Variants in DZIP1 observed in about 807,000 individuals in gnomAD.
DZIP1 encodes cilium assembly protein DZIP1.
A neutral mutation model predicts 107.6 loss-of-function variants in DZIP1; 97 were observed. That is an observed-to-expected ratio of 0.90 (90% CI 0.77 to 1.07). The LOEUF (loss-of-function observed/expected upper bound fraction) is 1.07. DZIP1 is among the 50% of genes least tolerant of loss of function. DZIP1 has a pLI of 0.00. For missense variants in DZIP1, 1,035 were observed against 1,063.6 expected (o/e 0.97, Z 0.37); for synonymous variants, 390 against 386.4 (o/e 1.01, Z -0.11).
chr13:95,619,420 C>G (rs917160853), intron 10 of DZIP1, among the ~76,000 whole-genome samples: 4 of 152,186 alleles, frequency 2.6e-5, no homozygotes, highest in African/African-American at 9.7e-5. Flanking sequence ...ACCTGCCAAC[C>G]TACTCTTAAT....
chr13:95,606,107 A>C (rs567965923), intron 13 of DZIP1, 48 bp from the exon 14 acceptor site: 3 of 1,597,914 alleles, frequency 1.9e-6, no homozygotes, highest in Non-Finnish European at 2.6e-6. Context: ...TAATTAAAGC[A>C]TAAGCATCCG....
chr13:95,617,918 G>C, intron 10 of DZIP1: 1 of 517,598 alleles, frequency 1.9e-6, no homozygotes, highest in Non-Finnish European at 3.8e-6. Flanking sequence ...GGGATTGAGA[G>C]AGAAAGGTGG....
chr13:95,622,318 G>T, intron 9 of DZIP1, 25 bp downstream of exon 9: 1 of 1,613,986 alleles, frequency 6.2e-7, no homozygotes, highest in Non-Finnish European at 8.5e-7. Flanking sequence ...GGCATCCACT[G>T]CAGCTGTCAC....
rs972645491 is a variant in DZIP1, at chr13:95,579,170, A to G, written c.*3064T>C. ...ATGGGTTAAGGACATCCCAAGCCCAAGTGGTACGTGCCTCACTCAGAACTG... is the reference window on the plus strand; with the variant it reads ...ATGGGTTAAGGACATCCCAAGCCCAGGTGGTACGTGCCTCACTCAGAACTG... On this transcript the variant is annotated 3_prime_UTR_variant, in exon 23 of 23. Transcript: ENST00000376829. 2 of 152,210 alleles carry G rather than the reference A, an allele frequency of 1.3e-5. No homozygotes were observed. The highest frequency in any genetic ancestry group is 2.4e-5 in the African/African-American group (1 of 41,444). 9.4% of individuals were successfully genotyped at this position (152,210 alleles called of 1,614,324 possible). A position where few individuals can be genotyped will look rare whatever the true frequency, so the allele number is the denominator to read the frequency against.
chr13:95,589,840 G>T lies in DZIP1; in HGVS notation c.1936C>A (p.Gln646Lys). The change falls in exon 18 of 23, where the codon CAA becomes AAA. Residue 646 changes from glutamine to lysine, a missense_variant. Physicochemically the swap from Gln to Lys is moderately conservative, Grantham distance 53. Transcript: ENST00000376829. ...LPSKNRQLIR[Q>K]KAVSTDRTSV... ...GTCCTATCAGTAGAAACAGCTTTTT[G>T]TCTAATCAGTTGTCTGTTTTTGGAA... The T allele has an allele frequency of 6.2e-7, 1 of 1,613,932 alleles. No individual in the cohort carries two copies. The highest frequency in any genetic ancestry group is 8.5e-7 in the Non-Finnish European group (1 of 1,179,964).
chr13:95,585,946 C>A (rs1002947317), intron 21 of DZIP1, 60 bp downstream of exon 21: 3 of 1,506,182 alleles, frequency 2.0e-6, no homozygotes, highest in Non-Finnish European at 2.7e-6. Context: ...AAAAGTGTGA[C>A]CATTAAGGTG....
intron 21 of DZIP1, among the ~76,000 whole-genome samples, chr13:95,585,344 C>T (rs1356308122): frequency 3.3e-5 from 5 of 152,194 alleles, no homozygotes; most frequent in Non-Finnish European, 7.3e-5. Context: ...CTACCATGCC[C>T]TTCCTAAAGA....
intron 5 of DZIP1, among the ~76,000 whole-genome samples, chr13:95,639,156 T>G (rs1878187467): frequency 1.3e-5 from 2 of 152,192 alleles, no homozygotes; most frequent in South Asian, 4.1e-4. Context: ...CAATTAATAT[T>G]CCCATTTCAC....
chr13:95,608,498 G>A (rs1296203300), intron 13 of DZIP1, among the ~76,000 whole-genome samples: 1 of 150,166 alleles, frequency 6.7e-6, no homozygotes, highest in Non-Finnish European at 1.5e-5. Context: ...AGTTTGGTCA[G>A]CTGCTGAAGA....
Position 95,611,494 on chromosome 13 carries a change from C to G in DZIP1, c.1315-1G>C. On this transcript the variant is annotated splice_acceptor_variant, in intron 11 of 22. Coordinates refer to ENST00000376829, the MANE Select transcript of DZIP1 (RefSeq NM_198968.4). LOFTEE classifies it high-confidence loss of function. ...ATGGATTACAGGTAAAGTCTTTAAT[C>G]TGCAAAGAAATACAGTCTTCTAGTG... 1.9e-6 allele frequency: 3 copies of G among 1,609,928 alleles called. No individual in the cohort carries two copies. The highest frequency in any genetic ancestry group is 2.6e-6 in the Non-Finnish European group (3 of 1,176,264).
Position 95,586,045 on chromosome 13 carries a change from A to C in DZIP1, c.2310T>G (p.Pro770=), listed in dbSNP as rs985588137. The C allele has an allele frequency of 3.1e-6, 5 of 1,608,636 alleles. No individual in the cohort carries two copies. In the African/African-American group the frequency reaches 4.0e-5, roughly 13 times the overall value. The change falls in exon 21 of 23, where the codon CCT becomes CCG. Residue 770 remains proline (P), a synonymous_variant. Transcript: ENST00000376829. The stretch of plus-strand genomic sequence containing the variant: ...ATTCTTCTTTTTTGATAAACATCTC[A>C]GGGACATTAGTTCCACCGACTGGTT... ...VNKPVGGTNV[P]EMFIKKEELQ... is the part of the protein sequence containing the mutation.
At chr13:95,625,734 G>A (rs1266180555) in intron 7 of DZIP1, among the ~76,000 whole-genome samples, 2 of 152,148 alleles carry the variant, frequency 1.3e-5, no homozygotes, top group Non-Finnish European at 2.9e-5. Flanking sequence ...GATACTGTGA[G>A]GTTAATGAAA....
intron 19 of DZIP1, chr13:95,588,091 T>G (rs993864512): frequency 1.2e-5 from 2 of 171,466 alleles, no homozygotes; most frequent in Admixed American, 1.2e-4. Flanking sequence ...TGTCATTACT[T>G]ACAGCTTCTT....
At chr13:95,637,912 C>G (rs1594744171) in intron 5 of DZIP1, among the ~76,000 whole-genome samples, 1 of 151,992 alleles carries the variant, frequency 6.6e-6, no homozygotes, top group Non-Finnish European at 1.5e-5. Context: ...CTTATGAATA[C>G]ATATGTTCAT....
intron 7 of DZIP1, among the ~76,000 whole-genome samples, chr13:95,628,935 G>A (rs2139347088): frequency 6.6e-6 from 1 of 152,280 alleles, no homozygotes; most frequent in Non-Finnish European, 1.5e-5. Context: ...CTGGAGATTG[G>A]CTGTATAACA....
In DZIP1 at chr13:95,638,698, G is replaced by A. The variant is rs147621086; in HGVS notation, c.597+2597C>T. Among the ~76,000 whole-genome samples the A allele has an allele frequency of 4.5e-3, 687 of 152,178 alleles. 9 individuals carry two copies. The highest frequency in any genetic ancestry group is 0.016 in the African/African-American group (652 of 41,508). ...TGGGGGAAAAAACCCATTAGGATGC[G>A]TGCGTGTGTGTGTCTGTCTGTCTGT... On this transcript the variant is annotated intron_variant, in intron 5 of 22. Coordinates refer to ENST00000376829, the MANE Select transcript of DZIP1 (RefSeq NM_198968.4).
In DZIP1 at chr13:95,641,649, C is replaced by T. The variant is rs372324019; in HGVS notation, c.243G>A (p.Ala81=). The change falls in exon 5 of 23, where the codon GCG becomes GCA. Residue 81 remains alanine (A), a synonymous_variant. Coordinates refer to ENST00000376829, the MANE Select transcript of DZIP1 (RefSeq NM_198968.4). This position sits in a 1 kb window ranked among gnomAD's most constrained non-coding sequence, Gnocchi z 4.3. ...GCAGCGTCAGCACGTCCACAGCCCC[C>T]GCCACCTTGTCCACGTCGATGGCGC... The part of the protein sequence containing the change: ...RLSAIDVDKV[A]GAVDVLTLQE... 5.0e-6 allele frequency: 8 copies of T among 1,609,376 alleles called. No individual in the cohort carries two copies. In the African/African-American group the frequency reaches 8.0e-5, roughly 16 times the overall value.
chr13:95,616,816 C>A (rs1048801160), intron 10 of DZIP1, among the ~76,000 whole-genome samples: 2 of 152,062 alleles, frequency 1.3e-5, no homozygotes, highest in Non-Finnish European at 2.9e-5. Flanking sequence ...GGTGAAGGGA[C>A]TCTGGAGACG....
At chr13:95,621,843 G>T (rs1444571560) in intron 9 of DZIP1, among the ~76,000 whole-genome samples, 1 of 151,716 alleles carries the variant, frequency 6.6e-6, no homozygotes, top group Non-Finnish European at 1.5e-5. Context: ...TCAGCCCTCC[G>T]AGAAGCTGGG....
Sources: gnomAD v4.1 joint callset for allele counts (sites outside exome capture counted in the v4.1 genomes callset) on GRCh38, gnomAD v4.1.1 for gene constraint, Gnocchi (gnomAD v3.1) non-coding constraint, MANE v1.5 for transcripts, NCBI Gene and HGNC (gene_info 2026-07-23, HGNC 2026-07-21) for gene names.